ACTN1: variants seen among roughly 807,000 people sequenced by gnomAD.
ACTN1 encodes alpha-actinin-1.
A neutral mutation model predicts 119.6 loss-of-function variants in ACTN1; 30 were observed. The observed-to-expected ratio is 0.25, with a 90% CI of 0.19 to 0.34. The LOEUF (loss-of-function observed/expected upper bound fraction) is 0.34. Ranked by LOEUF, ACTN1 falls within the 10% of genes least tolerant of loss-of-function variation. ACTN1 has a pLI of 1.00. For missense variants in ACTN1, 764 were observed against 1,223.4 expected (o/e 0.62, Z 5.60); for synonymous variants, 429 against 472.6 (o/e 0.91, Z 1.20).
At chr14:68,936,996 G>A in intron 1 of ACTN1, 3 of 349,986 alleles carry the variant, frequency 8.6e-6, no homozygotes, top group South Asian at 6.8e-5. Context: ...AGGGTCTTTT[G>A]AGAGTTTTCT....
chr14:68,920,958 G>A, intron 3 of ACTN1, 48 bp downstream of exon 3: 1 of 1,606,406 alleles, frequency 6.2e-7, no homozygotes. Context: ...GAGAACCAGG[G>A]GGACAAAGAA....
At chr14:68,936,689 C>A in intron 1 of ACTN1, 1 of 631,050 alleles carries the variant, frequency 1.6e-6, no homozygotes, top group Non-Finnish European at 3.1e-6. Context: ...AAGTCCTGGG[C>A]AAGAAGCCGG....
At chr14:68,906,298 G>A (rs985732818) in intron 6 of ACTN1, among the ~76,000 whole-genome samples, 1 of 152,240 alleles carries the variant, frequency 6.6e-6, no homozygotes, top group Non-Finnish European at 1.5e-5. Flanking sequence ...AAAAACCTTA[G>A]TGGAAGAGTT....
chr14:68,940,367 G>A (rs1328811688), intron 1 of ACTN1, among the ~76,000 whole-genome samples: 3 of 152,252 alleles, frequency 2.0e-5, no homozygotes, highest in Admixed American at 6.5e-5. Context: ...ATGGGAACCC[G>A]GGGTCTGGCA....
At chr14:68,968,596 A>G (rs1272570584) in intron 1 of ACTN1, among the ~76,000 whole-genome samples, 1 of 152,252 alleles carries the variant, frequency 6.6e-6, no homozygotes, top group Non-Finnish European at 1.5e-5. Flanking sequence ...AGGTTACGGG[A>G]TCAGGGAGAA....
chr14:68,926,429 G>C (rs1380319358), intron 1 of ACTN1, among the ~76,000 whole-genome samples: 1 of 152,088 alleles, frequency 6.6e-6, no homozygotes, highest in African/African-American at 2.4e-5. Flanking sequence ...ACAGGAAGAG[G>C]GTGTCTCAAC....
At chr14:68,978,631 C>G (rs548764704) in intron 1 of ACTN1, 254 of 288,670 alleles carry the variant, frequency 8.8e-4, no homozygotes, top group African/African-American at 5.6e-3. Flanking sequence ...GACCACCGCC[C>G]CCGAGCACAG....
Position 68,879,714 on chromosome 14 carries a change from T to C in ACTN1, c.2280+248A>G. On this transcript the variant is annotated intron_variant, in intron 18 of 21. Coordinates refer to ENST00000394419, the MANE Select transcript of ACTN1 (RefSeq NM_001130004.2). The surrounding 1 kb of genome is among the most constrained non-coding windows in gnomAD (Gnocchi z 4.9). The stretch of plus-strand genomic sequence containing the variant: ...ATGGTAGGAGAGCAAGGATCAGGGG[T>C]CAAAGGTCCTCTTTCTACCCACAGT... 2.2e-6 allele frequency: 1 copy of C among 449,506 alleles called. No homozygotes were observed. Among genetic ancestry groups the C allele is most frequent in the South Asian group, 2.8e-5 (1 of 35,628 alleles). The allele number at this position is 449,506 out of a possible 1,614,324, so 27.8% of individuals were successfully genotyped here.
intron 1 of ACTN1, among the ~76,000 whole-genome samples, chr14:68,955,109 C>G (rs2036310947): frequency 1.3e-5 from 2 of 152,212 alleles, no homozygotes. Context: ...TTCCTGGTCC[C>G]CATATACACT....
chr14:68,971,622 C>CT (rs1174338665), intron 1 of ACTN1, among the ~76,000 whole-genome samples: 1 of 152,234 alleles, frequency 6.6e-6, no homozygotes, highest in African/African-American at 2.4e-5. Context: ...TCCCACATAT[C>CT]TTACAAGGCT....
rs148344567 is a variant in ACTN1 at position 68,874,990 on chromosome 14, G to T, written c.2614C>A (p.Arg872Ser). The change falls in exon 22 of 22, where the codon CGC (arginine) becomes AGC (serine). Residue 872 changes from arginine to serine, a missense_variant. Arg to Ser is a moderately radical substitution (Grantham distance 110). Transcript: ENST00000394419. Reference protein sequence around the residue: ...KNYITMDELRRELPPDQAEYC... With the variant: ...KNYITMDELRSELPPDQAEYC... ...TCAGCCTGGTCGGGTGGCAGCTCGC[G>T]GCGCAGCTCGTCCATGGTAATGTAG... 2.5e-6 allele frequency: 4 copies of T among 1,613,644 alleles called. No homozygotes were observed. The Admixed American group carries it at 5.0e-5, about 20-fold the overall frequency.
At chr14:68,939,723 T>C (rs917137815) in intron 1 of ACTN1, among the ~76,000 whole-genome samples, 1 of 152,234 alleles carries the variant, frequency 6.6e-6, no homozygotes, top group Admixed American at 6.5e-5. Context: ...TAGCTGCCCA[T>C]TTATGTGACT....
rs1235582279 is a variant in ACTN1 at position 68,877,160 on chromosome 14, G to T, written c.2508C>A (p.Asp836Glu). The T allele has an allele frequency of 6.2e-7, 1 of 1,614,202 alleles. No homozygotes were observed. The highest frequency in any genetic ancestry group is 1.7e-5 in the Admixed American group (1 of 60,022). Residue 836 changes from aspartate (D) to glutamate (E), a missense_variant, in exon 21 of 22, where the codon GAC (aspartate) becomes GAA (glutamate). Physicochemically the swap from Asp to Glu is conservative, Grantham distance 45. Coordinates refer to ENST00000394419, the MANE Select transcript of ACTN1 (RefSeq NM_001130004.2). ...LGVVTFQAFI[D>E]FMSRETADTD... ...TGTCGGCTGTCTCGCGGGACATGAA[G>T]TCAATGAAGGCCTGGAATGTCACTA...
chr14:68,935,444 G>A (rs1316722278), intron 1 of ACTN1, among the ~76,000 whole-genome samples: 5 of 136,758 alleles, frequency 3.7e-5, no homozygotes, highest in Admixed American at 8.0e-5. Context: ...GGAGTGCAGT[G>A]GTGCAATCTC....
At chr14:68,949,889 G>A (rs2036072147) in intron 1 of ACTN1, among the ~76,000 whole-genome samples, 1 of 152,130 alleles carries the variant, frequency 6.6e-6, no homozygotes, top group Admixed American at 6.5e-5. Context: ...CACTTACATG[G>A]GGCCCCTAGA....
At chr14:68,957,552 GCTCT>G (rs1409024525) in intron 1 of ACTN1, among the ~76,000 whole-genome samples, 2 of 152,190 alleles carry the variant, frequency 1.3e-5, no homozygotes, top group Non-Finnish European at 2.9e-5. Flanking sequence ...CTGAAGCCTC[GCTCT>G]CTATTTGAGG....
intron 1 of ACTN1, among the ~76,000 whole-genome samples, chr14:68,973,302 C>G (rs1005214799): frequency 6.6e-6 from 1 of 152,278 alleles, no homozygotes; most frequent in East Asian, 1.9e-4. Flanking sequence ...TTCCCATAAT[C>G]CCCACATGTC....
In ACTN1 at chr14:68,884,161, G is replaced by A. The variant is rs1241461312; in HGVS notation, c.1635+7C>T. On this transcript the variant is annotated splice_region_variant and intron_variant, in intron 14 of 21. Transcript: ENST00000394419. ...GCCAGCCTCCGGGGAGTGGAGGTGGGGCTCACCTGGATCTCCTCAATGGTG... is the reference window on the plus strand; with the variant it reads ...GCCAGCCTCCGGGGAGTGGAGGTGGAGCTCACCTGGATCTCCTCAATGGTG... 1.2e-6 allele frequency: 2 copies of A among 1,608,928 alleles called. No homozygotes were observed. The highest frequency in any genetic ancestry group is 1.7e-5 in the Admixed American group (1 of 59,714).
At position 68,925,504 on chromosome 14, in the gene ACTN1, G is replaced by T; in HGVS notation, c.220+54C>A. 2 of 1,455,536 alleles carry T rather than the reference G, an allele frequency of 1.4e-6. No homozygotes were observed. Among genetic ancestry groups the T allele is most frequent in the Non-Finnish European group, 1.9e-6 (2 of 1,054,526 alleles). 90.2% of individuals were successfully genotyped at this position (1,455,536 alleles called of 1,614,324 possible). ...GCTCATAGGCAGAGCAGATGCCAAG[G>T]TGTCAGGCAGCACCAATAGACAGTA... On this transcript the variant is annotated intron_variant, in intron 2 of 21. Coordinates refer to ENST00000394419, the MANE Select transcript of ACTN1 (RefSeq NM_001130004.2). The surrounding 1 kb of genome is among the most constrained non-coding windows in gnomAD (Gnocchi z 4.3).
Sources: allele counts gnomAD v4.1 joint callset (sites outside exome capture counted in the v4.1 genomes callset), GRCh38; gene constraint gnomAD v4.1.1; non-coding constraint Gnocchi (gnomAD v3.1); transcripts MANE v1.5; gene names NCBI Gene and HGNC (gene_info 2026-07-23, HGNC 2026-07-21).